The following PARN variants were observed in gnomAD, a reference collection of about 807,000 sequenced individuals.
The protein encoded by PARN is poly(A)-specific ribonuclease PARN.
PARN carries 71 observed loss-of-function variants against 102.8 expected under a neutral mutation model. The ratio of observed to expected loss-of-function variants is 0.69; its 90% CI spans 0.57 to 0.84. The LOEUF is 0.84. PARN is among the 40% of genes least tolerant of loss of function. The pLI is 0.00. For missense variants in PARN, 782 were observed against 760.9 expected (o/e 1.03, Z -0.33); for synonymous variants, 261 against 252.9 (o/e 1.03, Z -0.30).
rs1967638967 is a variant in PARN, at chr16:14,555,669, A to G, written c.1303T>C (p.Leu435=). The change falls in exon 19 of 24, where the codon TTG becomes CTG. Residue 435 remains leucine (L), a synonymous_variant. Coordinates refer to ENST00000437198, the MANE Select transcript of PARN (RefSeq NM_002582.4). ...ATTTACTTACAGTCTGGTCCTTCCA[A>G]GTTTAGATAGGGGATATCCATGACC... The part of the protein sequence containing the change: ...MRVMDIPYLN[L]EGPDLQPKRD... The G allele has an allele frequency of 2.0e-6, 3 of 1,475,056 alleles. No homozygotes were observed. Among genetic ancestry groups the G allele is most frequent in the Non-Finnish European group, 2.8e-6 (3 of 1,083,956 alleles). 91.4% of individuals were successfully genotyped at this position (1,475,056 alleles called of 1,614,324 possible). A position where few individuals can be genotyped will look rare whatever the true frequency, so the allele number is the denominator to read the frequency against.
chr16:14,572,111 C>T (rs1010835851), intron 18 of PARN, among the ~76,000 whole-genome samples: 1 of 152,182 alleles, frequency 6.6e-6, no homozygotes, highest in African/African-American at 2.4e-5. Context: ...TAATACACTG[C>T]TCCTCTGTAT....
intron 22 of PARN, among the ~76,000 whole-genome samples, chr16:14,482,391 CAA>C (rs540805562): frequency 1.5e-5 from 2 of 131,970 alleles, no homozygotes; most frequent in Non-Finnish European, 1.6e-5. Flanking sequence ...GACCCTGTCT[CAA>C]AAAAAAAAAA....
In PARN at chr16:14,630,168, C is replaced by T; in HGVS notation, c.-43G>A. ...ACCTTGGCCCCACCCGGGCCCGCGC[C>T]CGCCTCAGCGGTTCTACTCGCCGAA... On this transcript the variant is annotated 5_prime_UTR_variant, in exon 1 of 24. Transcript: ENST00000437198. 6.5e-7 allele frequency: 1 copy of T among 1,541,010 alleles called. No homozygotes were observed. The highest frequency in any genetic ancestry group is 8.8e-7 in the Non-Finnish European group (1 of 1,138,456).
chr16:14,619,599 A>G (rs1972160422), intron 5 of PARN, among the ~76,000 whole-genome samples: 1 of 151,958 alleles, frequency 6.6e-6, no homozygotes, highest in Non-Finnish European at 1.5e-5. Context: ...CATCTCTACA[A>G]AAAATTTAAA....
At position 14,435,851 on chromosome 16, in the gene PARN, T is replaced by A. The variant is rs1960658316; in HGVS notation, c.*866A>T. On this transcript the variant is annotated 3_prime_UTR_variant, in exon 24 of 24. Coordinates refer to ENST00000437198, the MANE Select transcript of PARN (RefSeq NM_002582.4). ...GAGCGTTTGTCGTTGCTGTGATCTGTTTCAACGGAGAATGGGCTGGGACAT... is the reference window on the plus strand; with the variant it reads ...GAGCGTTTGTCGTTGCTGTGATCTGATTCAACGGAGAATGGGCTGGGACAT... 6.6e-6 allele frequency: 1 copy of A among 151,862 alleles called. No individual in the cohort carries two copies. Among genetic ancestry groups the A allele is most frequent in the Non-Finnish European group, 1.5e-5 (1 of 68,246 alleles). The allele number at this position is 151,862 out of a possible 1,614,324, so 9.4% of individuals were successfully genotyped here.
At chr16:14,569,176 C>T (rs1180745562) in intron 18 of PARN, among the ~76,000 whole-genome samples, 1 of 151,650 alleles carries the variant, frequency 6.6e-6, no homozygotes, top group Non-Finnish European at 1.5e-5. Context: ...CACGCCACTG[C>T]ACTCCAGCCT....
At chr16:14,608,244 C>T (rs906859875) in intron 9 of PARN, 37 bp downstream of exon 9, 3 of 1,425,694 alleles carry the variant, frequency 2.1e-6, no homozygotes, top group East Asian at 2.5e-5. Flanking sequence ...AATCCTGGGT[C>T]CCCCACAGAG....
chr16:14,601,009 C>T (rs1438478105), intron 11 of PARN, among the ~76,000 whole-genome samples: 1 of 152,134 alleles, frequency 6.6e-6, no homozygotes, highest in Non-Finnish European at 1.5e-5. Flanking sequence ...AAACTGGAAC[C>T]TGTGTGCCGT....
intron 21 of PARN, among the ~76,000 whole-genome samples, chr16:14,518,902 G>A (rs1178920591): frequency 2.0e-5 from 3 of 152,136 alleles, no homozygotes; most frequent in Admixed American, 1.3e-4. Flanking sequence ...TAAGCTCACA[G>A]ACAGGGAATG....
chr16:14,510,747 A>C (rs1770249861), intron 21 of PARN, among the ~76,000 whole-genome samples: 2 of 152,176 alleles, frequency 1.3e-5, no homozygotes, highest in African/African-American at 4.8e-5. Flanking sequence ...GAGGCCCAGG[A>C]CAGAAGTCCT....
intron 22 of PARN, among the ~76,000 whole-genome samples, chr16:14,455,437 C>A (rs1423158816): frequency 1.3e-5 from 2 of 152,190 alleles, no homozygotes; most frequent in African/African-American, 4.8e-5. Context: ...CTTTACATTT[C>A]TCCTGTAAAA....
In PARN at chr16:14,490,157, C is replaced by T. The variant is rs1364373210; in HGVS notation, c.1481-7330G>A. Among the ~76,000 whole-genome samples the T allele has an allele frequency of 2.0e-5, 3 of 151,964 alleles. No homozygotes were observed. The East Asian group carries it at 5.8e-4, about 29-fold the overall frequency. On this transcript the variant is annotated intron_variant, in intron 21 of 23. Coordinates refer to ENST00000437198, the MANE Select transcript of PARN (RefSeq NM_002582.4). ...AAGTTGACAAAGTGAGACCCTGTCT[C>T]AAATAAATAAATAAATAAATAAAAA...
chr16:14,548,851 G>A (rs1451088769), intron 21 of PARN, among the ~76,000 whole-genome samples: 2 of 152,158 alleles, frequency 1.3e-5, no homozygotes, highest in Non-Finnish European at 2.9e-5. Flanking sequence ...CTATTTGGGA[G>A]GCTGAGTCAC....
chr16:14,533,415 G>T (rs967668311), intron 21 of PARN, among the ~76,000 whole-genome samples: 1 of 124,912 alleles, frequency 8.0e-6, no homozygotes, highest in East Asian at 2.5e-4. Flanking sequence ...GGAGACCGTG[G>T]GGAGACGGAG....
chr16:14,580,436 T>A (rs1026095691), intron 18 of PARN, among the ~76,000 whole-genome samples: 2 of 151,894 alleles, frequency 1.3e-5, no homozygotes, highest in Non-Finnish European at 2.9e-5. Flanking sequence ...TACAGGCACA[T>A]GCCACCACGC....
At chr16:14,498,463 G>A (rs1964430187) in intron 21 of PARN, among the ~76,000 whole-genome samples, 2 of 152,066 alleles carry the variant, frequency 1.3e-5, no homozygotes, top group Non-Finnish European at 2.9e-5. Context: ...AGGATGCTGC[G>A]CTATGAACAT....
intron 18 of PARN, among the ~76,000 whole-genome samples, chr16:14,569,244 T>A (rs1361258589): frequency 6.6e-6 from 1 of 151,760 alleles, no homozygotes; most frequent in Admixed American, 6.6e-5. Context: ...AAAAAGAATT[T>A]AAAAAAACGA....
Position 14,566,927 on chromosome 16 carries a change from A to C in PARN, c.1263-11218T>G, listed in dbSNP as rs1421317133. 2.6e-5 allele frequency among the ~76,000 whole-genome samples: 4 copies of C among 152,330 alleles called. No individual in the cohort carries two copies. The Middle Eastern group carries it at 0.01, about 389-fold the overall frequency. ...GTGGCAATCAAGATCACAAGGCAGA[A>C]ATTAAATAAGGCAGTATCAACTTGA... On this transcript the variant is annotated intron_variant, in intron 18 of 23. Transcript: ENST00000437198.
At chr16:14,612,280 T>C (rs1286411359) in intron 6 of PARN, among the ~76,000 whole-genome samples, 1 of 151,728 alleles carries the variant, frequency 6.6e-6, no homozygotes. Flanking sequence ...CTACTAAAAA[T>C]ACAAAAATTA....
Sources: allele counts gnomAD v4.1 joint callset (sites outside exome capture counted in the v4.1 genomes callset), GRCh38; gene constraint gnomAD v4.1.1; transcripts MANE v1.5; gene names NCBI Gene and HGNC (gene_info 2026-07-23, HGNC 2026-07-21).